DOCK7: variants seen among roughly 807,000 people sequenced by gnomAD.
DOCK7 encodes dedicator of cytokinesis protein 7.
In DOCK7, 138 loss-of-function variants were observed where a neutral mutation model predicts 271.0. The observed-to-expected ratio is 0.51, with a 90% CI of 0.44 to 0.59. The LOEUF is 0.59. Ranked by LOEUF, DOCK7 falls within the 20% of genes least tolerant of loss-of-function variation. The pLI is 0.00. For synonymous variants in DOCK7, 823 were observed against 876.1 expected, an observed-to-expected ratio of 0.94 and a Z score of 1.07; for missense variants, 2,066 against 2,592.4, an observed-to-expected ratio of 0.80 and a Z score of 4.41.
intron 14 of DOCK7, chr1:62,598,642 TA>T: frequency 1.1e-6 from 1 of 943,592 alleles, no homozygotes; most frequent in Admixed American, 1.7e-5. Context: ...TACAGGAAAT[TA>T]ATAGAAAAGA....
intron 1 of DOCK7, among the ~76,000 whole-genome samples, chr1:62,682,019 G>T (rs1661223539): frequency 6.6e-6 from 1 of 151,476 alleles, no homozygotes; most frequent in Non-Finnish European, 1.5e-5. Flanking sequence ...GTAAGATTTA[G>T]GAAAGAAAAG....
chr1:62,474,068 C>T lies in DOCK7; in HGVS notation c.6126G>A (p.Gln2042=), dbSNP rs769970455. 6 of 1,613,794 alleles carry T rather than the reference C, an allele frequency of 3.7e-6. No individual in the cohort carries two copies. The highest frequency in any genetic ancestry group is 5.1e-6 in the Non-Finnish European group (6 of 1,179,828). Residue 2042 remains glutamine, a synonymous_variant, in exon 48 of 50, where the codon CAG becomes CAA. Coordinates refer to ENST00000635253, the MANE Select transcript of DOCK7 (RefSeq NM_001367561.1). ...CACTAGGTATTTCAGACAGAAAAAC[C>T]TGGGCAACTTCCAAAGGCCCCTGCA... ...TVNQGPLEVA[Q]VFLSEIPSDP... is the part of the protein sequence containing the mutation.
intron 33 of DOCK7, among the ~76,000 whole-genome samples, chr1:62,511,718 CT>C (rs1644489971): frequency 6.6e-6 from 1 of 151,598 alleles, no homozygotes; most frequent in African/African-American, 2.4e-5. Context: ...ATCTCTTTCT[CT>C]TTTTTAAATT....
At chr1:62,579,068 A>C in intron 16 of DOCK7, 102 bp from the exon 17 acceptor site, 1 of 1,157,426 alleles carries the variant, frequency 8.6e-7, no homozygotes, top group Non-Finnish European at 1.1e-6. Context: ...ATTCATGTTT[A>C]ATTTTTCCTC....
intron 33 of DOCK7, chr1:62,510,900 C>A: frequency 2.4e-6 from 1 of 412,302 alleles, no homozygotes; most frequent in Admixed American, 4.1e-5. Context: ...AAACAATACC[C>A]ACTTAAATAA....
intron 14 of DOCK7, among the ~76,000 whole-genome samples, chr1:62,590,549 A>G (rs1648285491): frequency 6.6e-6 from 1 of 152,216 alleles, no homozygotes; most frequent in Non-Finnish European, 1.5e-5. Context: ...CCTTAGCTTC[A>G]TAGAACTCGT....
Position 62,577,321 on chromosome 1 carries a change from A to G in DOCK7, c.2053T>C (p.Phe685Leu). The change falls in exon 18 of 50, where the codon TTT becomes CTT. Residue 685 changes from phenylalanine to leucine, a missense_variant. Phe to Leu is a conservative substitution (Grantham distance 22). This residue lies in a region of DOCK7 where 1,414 missense variants were observed against 1,670.4 expected (regional missense o/e 0.85). Transcript: ENST00000635253. The stretch of plus-strand genomic sequence containing the variant: ...TTTTCCAATGAGACTGGCAAGCAAA[A>G]CTGGCCAGTCTTCAACCGTCCATTC... ...LQNGRLKTGQ[F>L]CLPVSLEKPP... 6.3e-7 allele frequency: 1 copy of G among 1,592,224 alleles called. No individual in the cohort carries two copies. Among genetic ancestry groups the G allele is most frequent in the Non-Finnish European group, 8.6e-7 (1 of 1,166,942 alleles).
intron 48 of DOCK7, among the ~76,000 whole-genome samples, chr1:62,463,505 A>G (rs1645589044): frequency 6.6e-6 from 1 of 152,232 alleles, no homozygotes; most frequent in Non-Finnish European, 1.5e-5. Flanking sequence ...GAAATAAGGT[A>G]GACGGATATT....
intron 37 of DOCK7, among the ~76,000 whole-genome samples, chr1:62,496,776 C>A (rs1031720769): frequency 2.0e-5 from 3 of 152,046 alleles, no homozygotes; most frequent in Non-Finnish European, 4.4e-5. Flanking sequence ...TTATTATGGG[C>A]ATATGTTATT....
At position 62,633,481 on chromosome 1, in the gene DOCK7, G is replaced by A; in HGVS notation, c.1116+17C>T. The A allele has an allele frequency of 1.3e-6, 2 of 1,575,288 alleles. No homozygotes were observed. Among genetic ancestry groups the A allele is most frequent in the Non-Finnish European group, 8.7e-7 (1 of 1,147,712 alleles). On this transcript the variant is annotated intron_variant, in intron 10 of 49. Transcript: ENST00000635253. ...AATAGTAATAATGTGGCGGAAATGA[G>A]AAGCATAACATTCTACCTTGGTGGC...
chr1:62,478,388 A>G (rs1433208298), intron 43 of DOCK7: 1 of 152,158 alleles, frequency 6.6e-6, no homozygotes, highest in African/African-American at 2.4e-5. Context: ...AAAATTCTAC[A>G]ATTAGCAGCC....
intron 1 of DOCK7, among the ~76,000 whole-genome samples, chr1:62,669,491 A>G (rs527832487): frequency 1.3e-5 from 2 of 152,322 alleles, no homozygotes; most frequent in Admixed American, 1.3e-4. Flanking sequence ...TGATTGGGGT[A>G]TTCTATGCTG....
At chr1:62,477,936 T>C (rs1646013419) in intron 43 of DOCK7, 111 bp from the exon 44 acceptor site, 3 of 1,215,638 alleles carry the variant, frequency 2.5e-6, no homozygotes, top group Non-Finnish European at 3.3e-6. Flanking sequence ...TTGCAAAAAG[T>C]TTTAATTCAA....
intron 48 of DOCK7, among the ~76,000 whole-genome samples, chr1:62,472,741 GTTTC>G (rs1246895223): frequency 6.6e-6 from 1 of 152,138 alleles, no homozygotes; most frequent in African/African-American, 2.4e-5. Context: ...CAGGAAACAG[GTTTC>G]TTTCTATTAC....
chr1:62,493,393 G>A (rs1646521113), intron 40 of DOCK7, among the ~76,000 whole-genome samples: 1 of 152,090 alleles, frequency 6.6e-6, no homozygotes, highest in African/African-American at 2.4e-5. Flanking sequence ...AACTTTTGAA[G>A]TAGATCTAAG....
intron 42 of DOCK7, 67 bp downstream of exon 42, chr1:62,488,867 A>G (rs1166007859): frequency 6.3e-7 from 1 of 1,597,738 alleles, no homozygotes; most frequent in Non-Finnish European, 8.6e-7. Flanking sequence ...ACATCAGTGC[A>G]AAACAACATT....
chr1:62,477,582 G>T, intron 44 of DOCK7, 118 bp downstream of exon 44: 2 of 1,057,720 alleles, frequency 1.9e-6, no homozygotes, highest in Non-Finnish European at 2.6e-6. Context: ...ATTCTCTAAC[G>T]GAGTAGTTTA....
chr1:62,611,580 T>C (rs1291937576), intron 14 of DOCK7, among the ~76,000 whole-genome samples: 12 of 152,242 alleles, frequency 7.9e-5, no homozygotes, highest in African/African-American at 2.4e-4. Context: ...GGTACCATGG[T>C]ACACAAAAAA....
At position 62,662,633 on chromosome 1, in the gene DOCK7, T is replaced by C. The variant is rs965573519; in HGVS notation, c.144+392A>G. ...AAAATTAGCTGGGCATGGTGGCACATGCCTGTAGTCCCAGCTACTCAGGAG... is the reference window on the plus strand; with the variant it reads ...AAAATTAGCTGGGCATGGTGGCACACGCCTGTAGTCCCAGCTACTCAGGAG... On this transcript the variant is annotated intron_variant, in intron 2 of 49. Coordinates refer to ENST00000635253, the MANE Select transcript of DOCK7 (RefSeq NM_001367561.1). Among the ~76,000 whole-genome samples, 8 of 152,172 alleles carry C rather than the reference T, an allele frequency of 5.3e-5. No individual in the cohort carries two copies. In the South Asian group the frequency reaches 8.3e-4, roughly 16 times the overall value.
Sources: allele counts gnomAD v4.1 joint callset (sites outside exome capture counted in the v4.1 genomes callset), GRCh38; gene constraint gnomAD v4.1.1; regional missense constraint gnomAD v4.1.1; transcripts MANE v1.5; gene names NCBI Gene and HGNC (gene_info 2026-07-23, HGNC 2026-07-21).